Variants in MDGA2 observed in about 807,000 individuals in gnomAD.
The protein encoded by MDGA2 is MAM domain-containing glycosylphosphatidylinositol anchor protein 2.
A neutral mutation model predicts 117.8 loss-of-function variants in MDGA2; 40 were observed. The observed-to-expected ratio is 0.34, with a 90% confidence interval of 0.26 to 0.44. MDGA2 has a LOEUF of 0.44. Ranked by LOEUF, MDGA2 falls within the 20% of genes least tolerant of loss-of-function variation. The pLI is 1.00. For synonymous variants in MDGA2, 452 were observed against 439.0 expected (o/e 1.03, Z -0.37); for missense variants, 1,123 against 1,250.6 (o/e 0.90, Z 1.54).
intron 1 of MDGA2, among the ~76,000 whole-genome samples, chr14:47,646,814 ATTGT>A (rs1253665557): frequency 2.0e-5 from 3 of 152,308 alleles, no homozygotes; most frequent in Admixed American, 6.5e-5. Flanking sequence ...GTAAAATGAA[ATTGT>A]TTGTGAATCT....
chr14:46,947,381 T>C (rs1377486074), intron 9 of MDGA2, among the ~76,000 whole-genome samples: 1 of 152,136 alleles, frequency 6.6e-6, no homozygotes, highest in Non-Finnish European at 1.5e-5. Flanking sequence ...TTAAAATTCA[T>C]TTAAATTTAT....
Position 47,173,847 on chromosome 14 carries a change from G to A in MDGA2, c.596-29573C>T, listed in dbSNP as rs375937532. Among the ~76,000 whole-genome samples the A allele has an allele frequency of 5.1e-4, 78 of 152,126 alleles. 1 individual carries two copies. The highest frequency in any genetic ancestry group is 1.2e-3 in the East Asian group (6 of 5,166). On this transcript the variant is annotated intron_variant, in intron 3 of 16. Transcript: ENST00000399232. ...ACTAAATGCTCCAATTAAAAGACACGGACTGGCAAATTGGATAGAGTCAAG... is the reference window on the plus strand; with the variant it reads ...ACTAAATGCTCCAATTAAAAGACACAGACTGGCAAATTGGATAGAGTCAAG...
chr14:47,274,459 T>A (rs1888247582), intron 2 of MDGA2, among the ~76,000 whole-genome samples: 1 of 152,158 alleles, frequency 6.6e-6, no homozygotes, highest in Middle Eastern at 3.2e-3. Context: ...ATAGGCCACA[T>A]TTTATTTATC....
At chr14:47,570,000 T>C (rs1007032882) in intron 1 of MDGA2, among the ~76,000 whole-genome samples, 5 of 152,194 alleles carry the variant, frequency 3.3e-5, no homozygotes, top group African/African-American at 7.2e-5. Flanking sequence ...TTGTTGAAGA[T>C]AGGAAAATAT....
intron 1 of MDGA2, among the ~76,000 whole-genome samples, chr14:47,652,526 G>T (rs972575170): frequency 2.0e-5 from 3 of 152,068 alleles, no homozygotes; most frequent in Non-Finnish European, 4.4e-5. Flanking sequence ...ATTTGTTCAA[G>T]TTATAATTGT....
chr14:47,363,494 G>A (rs1891169316), intron 1 of MDGA2, among the ~76,000 whole-genome samples: 2 of 152,080 alleles, frequency 1.3e-5, no homozygotes, highest in Non-Finnish European at 2.9e-5. Context: ...CGGACCTCAA[G>A]TGATTCGCAC....
intron 6 of MDGA2, among the ~76,000 whole-genome samples, chr14:47,073,718 G>T (rs1890379461): frequency 6.6e-6 from 1 of 152,168 alleles, no homozygotes; most frequent in Non-Finnish European, 1.5e-5. Context: ...GGGGATAAAA[G>T]GAAGGCAGAC....
chr14:47,289,003 C>A lies in MDGA2; in HGVS notation c.420+12408G>T, dbSNP rs573034117. On this transcript the variant is annotated intron_variant, in intron 2 of 16. Coordinates refer to ENST00000399232, the MANE Select transcript of MDGA2 (RefSeq NM_001113498.3). ...CAGCAGTTGTATAGATTATTAATTACCACTGACGGCATATTCCTTAGCATA... is the reference window on the plus strand; with the variant it reads ...CAGCAGTTGTATAGATTATTAATTAACACTGACGGCATATTCCTTAGCATA... Among the ~76,000 whole-genome samples the A allele has an allele frequency of 2.6e-5, 4 of 152,094 alleles. No individual in the cohort carries two copies. In the South Asian group the frequency reaches 6.2e-4, roughly 24 times the overall value.
At chr14:47,046,770 G>C (rs561573357) in intron 7 of MDGA2, among the ~76,000 whole-genome samples, 158 of 152,128 alleles carry the variant, frequency 1.0e-3, no homozygotes, top group South Asian at 3.1e-3. Flanking sequence ...GGATCCTATA[G>C]CTAAAAAGCC....
chr14:47,539,306 A>T (rs1895289773), intron 1 of MDGA2, among the ~76,000 whole-genome samples: 1 of 152,234 alleles, frequency 6.6e-6, no homozygotes, highest in East Asian at 1.9e-4. Flanking sequence ...AGTAGCAAAA[A>T]GCAAAACCAA....
chr14:46,985,377 A>T (rs976646397), intron 8 of MDGA2, among the ~76,000 whole-genome samples: 2 of 152,062 alleles, frequency 1.3e-5, no homozygotes, highest in Non-Finnish European at 2.9e-5. Flanking sequence ...TATATGTAGG[A>T]GTCTGTTGAA....
intron 1 of MDGA2, among the ~76,000 whole-genome samples, chr14:47,462,744 A>T (rs972853076): frequency 3.3e-5 from 5 of 152,118 alleles, no homozygotes; most frequent in East Asian, 1.9e-4. Context: ...TTTTTTTTTT[A>T]AATGGAGCAT....
chr14:47,293,442 A>T (rs566432464), intron 2 of MDGA2, among the ~76,000 whole-genome samples: 5 of 152,186 alleles, frequency 3.3e-5, no homozygotes, highest in African/African-American at 4.8e-5. Flanking sequence ...CTCTACTCAA[A>T]GTCCAGGAGC....
intron 9 of MDGA2, among the ~76,000 whole-genome samples, chr14:46,941,465 C>T (rs889247773): frequency 2.0e-5 from 3 of 152,126 alleles, no homozygotes; most frequent in Non-Finnish European, 4.4e-5. Context: ...CTCTTAGTTT[C>T]AGGCATGCCC....
rs1566515949 is a variant in MDGA2 at position 47,561,158 on chromosome 14, G to GGTTTTTTTTTTTTTTTTT, written c.280+113358_280+113359insAAAAAAAAAAAAAAAAAC. Among the ~76,000 whole-genome samples, 3 of 55,076 alleles carry GGTTTTTTTTTTTTTTTTT rather than the reference G, an allele frequency of 5.4e-5. 1 individual carries two copies. Among genetic ancestry groups the GGTTTTTTTTTTTTTTTTT allele is most frequent in the Non-Finnish European group, 8.7e-5 (2 of 23,064 alleles). 36.1% of individuals were successfully genotyped at this position (55,076 alleles called of 152,430 possible). On this transcript the variant is annotated intron_variant, in intron 1 of 16. Coordinates refer to ENST00000399232, the MANE Select transcript of MDGA2 (RefSeq NM_001113498.3). ...CTATCTTTGTTTTTTTTTTTGTTTT[G>GGTTTTTTTTTTTTTTTTT]TTTTGTTTTTTTGTTTGTTTGTTTT...
chr14:47,344,806 T>G (rs1890728127), intron 1 of MDGA2, among the ~76,000 whole-genome samples: 1 of 152,104 alleles, frequency 6.6e-6, no homozygotes, highest in African/African-American at 2.4e-5. Flanking sequence ...TTTAACAATT[T>G]TATTACATTA....
chr14:47,436,844 G>C (rs539717935), intron 1 of MDGA2, among the ~76,000 whole-genome samples: 1 of 152,194 alleles, frequency 6.6e-6, no homozygotes, highest in Admixed American at 6.5e-5. Context: ...ATTAGCTCAG[G>C]ATCCAAGTTC....
intron 1 of MDGA2, among the ~76,000 whole-genome samples, chr14:47,433,898 A>C (rs2138532319): frequency 6.6e-6 from 1 of 152,284 alleles, no homozygotes; most frequent in East Asian, 1.9e-4. Flanking sequence ...AACAATTATC[A>C]GTCATTGTAA....
intron 3 of MDGA2, among the ~76,000 whole-genome samples, chr14:47,209,186 G>T (rs893710793): frequency 4.0e-5 from 6 of 151,822 alleles, no homozygotes; most frequent in Non-Finnish European, 8.8e-5. Flanking sequence ...ATACTTTTAG[G>T]TCTATTTTTC....
Sources: gnomAD v4.1 joint callset for allele counts (sites outside exome capture counted in the v4.1 genomes callset) on GRCh38, gnomAD v4.1.1 for gene constraint, MANE v1.5 for transcripts, NCBI Gene and HGNC (gene_info 2026-07-23, HGNC 2026-07-21) for gene names.